Variants in SND1 observed in about 807,000 individuals in gnomAD.
SND1 encodes staphylococcal nuclease and tudor domain containing 1, also known as staphylococcal nuclease domain-containing protein 1.
A neutral mutation model predicts 121.7 loss-of-function variants in SND1; 38 were observed. That is an observed-to-expected ratio of 0.31 (90% confidence interval 0.24 to 0.41). The LOEUF is 0.41. SND1 is among the 10% of genes least tolerant of loss of function. SND1 has a pLI of 1.00. For missense variants in SND1, 868 were observed against 1,184.6 expected, an observed-to-expected ratio of 0.73 and a Z score of 3.92; for synonymous variants, 401 against 447.4, an observed-to-expected ratio of 0.90 and a Z score of 1.31.
chr7:127,879,713 G>A (rs1049400591), intron 12 of SND1, among the ~76,000 whole-genome samples: 2 of 152,132 alleles, frequency 1.3e-5, no homozygotes, highest in African/African-American at 4.8e-5. Context: ...TGTGGGGAAA[G>A]TATAGTCAAT....
chr7:128,086,900 C>T (rs765759166), intron 20 of SND1, 38 bp from the exon 21 acceptor site: 22 of 1,511,582 alleles, frequency 1.5e-5, no homozygotes, highest in Admixed American at 8.4e-5. Context: ...AAGGGGGCAG[C>T]GAGTATGTGA....
At chr7:127,981,718 G>A (rs1802267358) in intron 15 of SND1, among the ~76,000 whole-genome samples, 1 of 152,178 alleles carries the variant, frequency 6.6e-6, no homozygotes, top group Non-Finnish European at 1.5e-5. Context: ...CAGTGAAGCT[G>A]GTTTTGTACA....
rs200732105 is a variant in SND1, at chr7:128,089,641, G to A, written c.2571G>A (p.Lys857=). The change falls in exon 22 of 24, where the codon AAG becomes AAA. Residue 857 remains lysine (K), a synonymous_variant. Coordinates refer to ENST00000354725, the MANE Select transcript of SND1 (RefSeq NM_014390.4). ...GCGATGTGGGGCTGGGCTTGGTGAA[G>A]GAAGGGCTGGTCATGGTGGAGGTGC... is the stretch of plus-strand genomic sequence containing the variant. The part of the protein sequence containing the change: ...SKGDVGLGLV[K]EGLVMVEVRK... 1.9e-6 allele frequency: 3 copies of A among 1,614,196 alleles called. No homozygotes were observed. Among genetic ancestry groups the A allele is most frequent in the East Asian group, 4.5e-5 (2 of 44,880 alleles).
chr7:127,843,104 T>A (rs1213131568), intron 11 of SND1, among the ~76,000 whole-genome samples: 2 of 152,180 alleles, frequency 1.3e-5, no homozygotes, highest in African/African-American at 4.8e-5. Context: ...AATGGACTTT[T>A]TTTTTTAGAG....
intron 16 of SND1, among the ~76,000 whole-genome samples, chr7:128,073,563 C>T (rs1251572914): frequency 6.6e-6 from 1 of 152,202 alleles, no homozygotes; most frequent in Non-Finnish European, 1.5e-5. Flanking sequence ...CAGCTCCGAC[C>T]TCGAGAATTC....
intron 16 of SND1, chr7:127,997,608 T>C (rs1299630974): frequency 2.2e-5 from 10 of 462,502 alleles, no homozygotes; most frequent in Non-Finnish European, 4.5e-5. Context: ...TGTAGGTGCA[T>C]TTGTTTAAAA....
intron 13 of SND1, among the ~76,000 whole-genome samples, 187 bp downstream of exon 13, chr7:127,888,199 T>G (rs1799946708): frequency 6.6e-6 from 1 of 152,138 alleles, no homozygotes; most frequent in Non-Finnish European, 1.5e-5. Context: ...TTTGTTTAAG[T>G]GCACTTGGTC....
intron 12 of SND1, among the ~76,000 whole-genome samples, chr7:127,883,355 G>A (rs1208795487): frequency 1.3e-5 from 2 of 152,004 alleles, no homozygotes; most frequent in Admixed American, 1.3e-4. Flanking sequence ...TCATATTTTT[G>A]CCTGCCTTCC....
intron 16 of SND1, among the ~76,000 whole-genome samples, chr7:127,994,707 T>G (rs1489233099): frequency 6.6e-6 from 1 of 151,986 alleles, no homozygotes; most frequent in East Asian, 1.9e-4. Flanking sequence ...CTAACTCTGT[T>G]TTTTCTTGTT....
chr7:127,681,688 T>G (rs1310746510), intron 1 of SND1, among the ~76,000 whole-genome samples: 1 of 152,198 alleles, frequency 6.6e-6, no homozygotes, highest in East Asian at 1.9e-4. Flanking sequence ...GCCAACTTCA[T>G]TCTTTTGCAC....
intron 11 of SND1, among the ~76,000 whole-genome samples, chr7:127,838,494 C>T (rs1220006024): frequency 6.6e-6 from 1 of 152,138 alleles, no homozygotes; most frequent in Non-Finnish European, 1.5e-5. Context: ...GTATCCTGCC[C>T]CAAATATCCA....
chr7:127,948,391 C>T (rs548990312), intron 15 of SND1, among the ~76,000 whole-genome samples: 2 of 152,274 alleles, frequency 1.3e-5, no homozygotes, highest in African/African-American at 4.8e-5. Context: ...TACTATCTTA[C>T]ATTTTGAGTT....
At chr7:127,856,464 T>C (rs1329127581) in intron 12 of SND1, among the ~76,000 whole-genome samples, 1 of 152,248 alleles carries the variant, frequency 6.6e-6, no homozygotes, top group African/African-American at 2.4e-5. Context: ...TTTCTGCCTT[T>C]AGTGAAAATG....
chr7:128,084,736 A>G lies in SND1; in HGVS notation c.2123A>G (p.Glu708Gly), dbSNP rs1793660220. 6.2e-7 allele frequency: 1 copy of G among 1,606,542 alleles called. No homozygotes were observed. The highest frequency in any genetic ancestry group is 2.3e-5 in the East Asian group (1 of 44,430). ...TCCTCCCTGGCAGGCACCCAGTTGGAGAAGCTGATGGAGAACATGCGCAAT... is the reference window on the plus strand; with the variant it reads ...TCCTCCCTGGCAGGCACCCAGTTGGGGAAGCTGATGGAGAACATGCGCAAT... ...VQDVETGTQL[E>G]KLMENMRNDI... The change falls in exon 19 of 24, where the codon GAG becomes GGG. Residue 708 changes from glutamate to glycine, a missense_variant. Glu to Gly is a moderately conservative substitution (Grantham distance 98). Around this residue, in one of 2 missense-constraint regions of SND1, gnomAD observed 743 missense variants for 1,071.3 expected, o/e 0.69. Transcript: ENST00000354725.
At chr7:127,979,925 G>C (rs1394060430) in intron 15 of SND1, among the ~76,000 whole-genome samples, 1 of 152,148 alleles carries the variant, frequency 6.6e-6, no homozygotes, top group Non-Finnish European at 1.5e-5. Flanking sequence ...CTGCTTTAGA[G>C]TATGGTAACT....
intron 12 of SND1, among the ~76,000 whole-genome samples, chr7:127,845,589 C>T (rs1328758053): frequency 6.6e-6 from 1 of 152,200 alleles, no homozygotes; most frequent in Non-Finnish European, 1.5e-5. Flanking sequence ...CAATTTGTTA[C>T]CACTTCTTAG....
At chr7:127,747,836 C>T (rs948175195) in intron 10 of SND1, among the ~76,000 whole-genome samples, 2 of 152,188 alleles carry the variant, frequency 1.3e-5, no homozygotes, top group African/African-American at 4.8e-5. Flanking sequence ...TCTCTCCCTC[C>T]TTTGCTTTTT....
chr7:127,850,752 G>T (rs1799150831), intron 12 of SND1, among the ~76,000 whole-genome samples: 1 of 152,116 alleles, frequency 6.6e-6, no homozygotes, highest in South Asian at 2.1e-4. Context: ...ATATAATTGT[G>T]CTGCTTCTCC....
chr7:127,988,879 T>G (rs962543438), intron 15 of SND1, among the ~76,000 whole-genome samples: 3 of 152,234 alleles, frequency 2.0e-5, no homozygotes, highest in African/African-American at 7.2e-5. Context: ...TGAACACTTG[T>G]TTTAGCATTA....
Sources: allele counts gnomAD v4.1 joint callset (sites outside exome capture counted in the v4.1 genomes callset), GRCh38; gene constraint gnomAD v4.1.1; regional missense constraint gnomAD v4.1.1; transcripts MANE v1.5; gene names NCBI Gene and HGNC (gene_info 2026-07-23, HGNC 2026-07-21).